CYP3A4: variants seen among roughly 807,000 people sequenced by gnomAD.
CYP3A4 encodes cytochrome P450 3A4.
In CYP3A4, 41 loss-of-function variants were observed where a neutral mutation model predicts 54.9. The ratio of observed to expected loss-of-function variants is 0.75; its 90% CI spans 0.58 to 0.97. The LOEUF is 0.97. Among genes scored for constraint, CYP3A4 ranks in the 50% least tolerant of loss-of-function variants. The pLI is 0.00. For synonymous variants in CYP3A4, 179 were observed against 205.2 expected (o/e 0.87, Z 1.09); for missense variants, 510 against 597.3 (o/e 0.85, Z 1.52).
At chr7:99,777,877 ATCT>A in intron 3 of CYP3A4, 148 bp downstream of exon 3, 3 of 699,668 alleles carry the variant, frequency 4.3e-6, no homozygotes, top group Admixed American at 2.7e-5. Flanking sequence ...CCAAATAAAT[ATCT>A]TCTTCTTTCA....
chr7:99,762,174 C>T lies in CYP3A4; in HGVS notation c.1120G>A (p.Glu374Lys). 1 of 1,614,088 alleles carries T rather than the reference C, an allele frequency of 6.2e-7. No individual in the cohort carries two copies. Among genetic ancestry groups the T allele is most frequent in the African/African-American group, 1.3e-5 (1 of 75,014 alleles). Reference protein sequence around the residue: ...LRLFPIAMRLERVCKKDVEIN... With the variant: ...LRLFPIAMRLKRVCKKDVEIN... ...TCAACATCTTTTTTGCAGACCCTCT[C>T]AAGTCTCATAGCAATTGGGAATAAT... Residue 374 changes from glutamate (E) to lysine (K), a missense_variant, in exon 11 of 13, where the codon GAG becomes AAG. Glu to Lys is a moderately conservative substitution (Grantham distance 56, BLOSUM62 1). Transcript: ENST00000651514.
intron 8 of CYP3A4, 167 bp from the exon 9 acceptor site, chr7:99,766,610 T>C: frequency 3.7e-6 from 3 of 806,018 alleles, no homozygotes; most frequent in Non-Finnish European, 5.7e-6. Context: ...TTCTAAATCC[T>C]TGGAAAGCAG....
Position 99,762,281 on chromosome 7 carries a change from AAC to A in CYP3A4, c.1027-16_1027-15del. 3 of 1,613,558 alleles carry A rather than the reference AAC, an allele frequency of 1.9e-6. No individual in the cohort carries two copies. Among genetic ancestry groups the A allele is most frequent in the Non-Finnish European group, 2.5e-6 (3 of 1,179,696 alleles). ...GGTGGGTGGTGCCTGGAAAGAACGA[AAC>A]AGATTTGGATAAATTGAGATTTTGA... On this transcript the variant is annotated splice_polypyrimidine_tract_variant and intron_variant, in intron 10 of 12. Coordinates refer to ENST00000651514, the MANE Select transcript of CYP3A4 (RefSeq NM_017460.6).
chr7:99,761,640 A>C (rs1446274391), intron 11 of CYP3A4, among the ~76,000 whole-genome samples: 1 of 152,202 alleles, frequency 6.6e-6, no homozygotes, highest in East Asian at 1.9e-4. Context: ...GTAAGCTATA[A>C]AATTCTTTGA....
In CYP3A4 at chr7:99,769,763, C is replaced by T. The variant is rs188546489; in HGVS notation, c.521+5G>A. The T allele has an allele frequency of 8.2e-5, 132 of 1,613,892 alleles. 1 individual carries two copies. In the African/African-American group the frequency reaches 1.6e-3, roughly 19 times the overall value. On this transcript the variant is annotated splice_donor_5th_base_variant and intron_variant, in intron 6 of 12. Coordinates refer to ENST00000651514, the MANE Select transcript of CYP3A4 (RefSeq NM_017460.6). ...TCAGAACCCCATGGCTGCGCTTCTA[C>T]TTACTCTTTCAAGGTGACAGGCTTG... is the stretch of plus-strand genomic sequence containing the variant.
intron 9 of CYP3A4, among the ~76,000 whole-genome samples, chr7:99,766,047 C>T (rs1283397484): frequency 6.6e-6 from 1 of 152,034 alleles, no homozygotes; most frequent in African/African-American, 2.4e-5. Flanking sequence ...TTGCAGCAAC[C>T]TAATAAATTT....
rs371565910 is a variant in CYP3A4, at chr7:99,767,111, T to C, written c.798+20A>G. On this transcript the variant is annotated intron_variant, in intron 8 of 12. Transcript: ENST00000651514. ...TTATGAAAAACTAAACATCCTCCTA[T>C]AACTACCACCACATTTTACCTTTTG... 3.7e-6 allele frequency: 6 copies of C among 1,604,598 alleles called. No individual in the cohort carries two copies. Among genetic ancestry groups the C allele is most frequent in the African/African-American group, 1.3e-5 (1 of 74,380 alleles).
intron 9 of CYP3A4, among the ~76,000 whole-genome samples, chr7:99,764,229 G>T (rs542055976): frequency 6.6e-6 from 1 of 152,200 alleles, no homozygotes; most frequent in Non-Finnish European, 1.5e-5. Context: ...CAAGGTCTTC[G>T]AGAATGTGGG....
chr7:99,772,473 T>C (rs557642969), intron 4 of CYP3A4, 117 bp downstream of exon 4: 53 of 1,262,184 alleles, frequency 4.2e-5, no homozygotes, highest in South Asian at 2.3e-4. Flanking sequence ...GGGGACAGGA[T>C]GAAGTGGACG....
intron 2 of CYP3A4, among the ~76,000 whole-genome samples, chr7:99,779,669 T>C (rs1815864078): frequency 6.6e-6 from 1 of 152,198 alleles, no homozygotes; most frequent in Non-Finnish European, 1.5e-5. Flanking sequence ...TAACTAAGTA[T>C]GACTGTACCT....
At chr7:99,761,998 C>A (rs752108433) in intron 11 of CYP3A4, 43 bp downstream of exon 11, 100 of 1,560,600 alleles carry the variant, frequency 6.4e-5, no homozygotes, top group Non-Finnish European at 8.3e-5. Flanking sequence ...TATGCTTGAA[C>A]CAGGCTGGTT....
At chr7:99,759,279 T>C (rs994980492) in intron 12 of CYP3A4, among the ~76,000 whole-genome samples, 2 of 152,234 alleles carry the variant, frequency 1.3e-5, no homozygotes, top group Admixed American at 6.5e-5. Flanking sequence ...AGGGTATTGT[T>C]TAATATGAAT....
intron 3 of CYP3A4, among the ~76,000 whole-genome samples, chr7:99,776,512 T>TA (rs990019924): frequency 3.9e-5 from 6 of 151,982 alleles, no homozygotes; most frequent in Non-Finnish European, 8.8e-5. Context: ...TATGCAGCCA[T>TA]AAAAAAACAA....
intron 12 of CYP3A4, among the ~76,000 whole-genome samples, chr7:99,758,900 A>C (rs2151552198): frequency 1.3e-5 from 2 of 151,988 alleles, no homozygotes; most frequent in South Asian, 4.2e-4. Context: ...CAGTGTTTGG[A>C]CTCAACTTTT....
At position 99,762,076 on chromosome 7, in the gene CYP3A4, C is replaced by T; in HGVS notation, c.1218G>A (p.Lys406=). The change falls in exon 11 of 13, where the codon AAG becomes AAA. Residue 406 remains lysine, a synonymous_variant. Transcript: ENST00000651514. The part of the protein sequence containing the change: ...IPSYALHRDP[K]YWTEPEKFLP... ...GGAACTTCTCAGGCTCTGTCCAGTA[C>T]TTTGGGTCACGGTGAAGAGCATAGC... is the stretch of plus-strand genomic sequence containing the variant. The T allele has an allele frequency of 6.8e-6, 11 of 1,614,112 alleles. No individual in the cohort carries two copies. The highest frequency in any genetic ancestry group is 2.2e-5 in the East Asian group (1 of 44,878).
intron 7 of CYP3A4, among the ~76,000 whole-genome samples, chr7:99,767,639 G>C (rs1395301490): frequency 6.6e-6 from 1 of 152,144 alleles, no homozygotes. Context: ...AGTCAAGATA[G>C]AAATAACACA....
chr7:99,772,400 A>C (rs1371328930), intron 4 of CYP3A4, among the ~76,000 whole-genome samples, 190 bp downstream of exon 4: 1 of 152,210 alleles, frequency 6.6e-6, no homozygotes, highest in African/African-American at 2.4e-5. Context: ...TTCCTGTACT[A>C]TATAGTAACA....
At chr7:99,758,378 A>G in intron 12 of CYP3A4, 150 bp from the exon 13 acceptor site, 3 of 849,616 alleles carry the variant, frequency 3.5e-6, no homozygotes, top group Non-Finnish European at 5.6e-6. Flanking sequence ...AAAAAAATGC[A>G]GTAATGACAA....
chr7:99,776,116 G>C (rs1477537564), intron 3 of CYP3A4, among the ~76,000 whole-genome samples: 1 of 152,212 alleles, frequency 6.6e-6, no homozygotes, highest in Non-Finnish European at 1.5e-5. Context: ...CTGGTCATTA[G>C]AGAAATGCAA....
Sources: gnomAD v4.1 joint callset for allele counts (sites outside exome capture counted in the v4.1 genomes callset) on GRCh38, gnomAD v4.1.1 for gene constraint, MANE v1.5 for transcripts, NCBI Gene and HGNC (gene_info 2026-07-23, HGNC 2026-07-21) for gene names.